Variants in SLC44A5 observed in about 807,000 individuals in gnomAD.
The protein encoded by SLC44A5 is solute carrier family 44 member 5.
A neutral mutation model predicts 101.8 loss-of-function variants in SLC44A5; 57 were observed. The observed-to-expected ratio is 0.56, with a 90% CI of 0.45 to 0.70. The LOEUF is 0.70. Ranked by LOEUF, SLC44A5 falls within the 30% of genes least tolerant of loss-of-function variation. The pLI, the probability that SLC44A5 is intolerant of heterozygous loss-of-function variation, is 0.00. For synonymous variants in SLC44A5, 281 were observed against 290.9 expected, an observed-to-expected ratio of 0.97 and a Z score of 0.35; for missense variants, 737 against 853.1, an observed-to-expected ratio of 0.86 and a Z score of 1.70.
chr1:75,577,773 T>A (rs1199099593), intron 1 of SLC44A5, among the ~76,000 whole-genome samples: 2 of 152,222 alleles, frequency 1.3e-5, no homozygotes, highest in Non-Finnish European at 2.9e-5. Flanking sequence ...TATATCCCCA[T>A]ATCCTATTGT....
intron 1 of SLC44A5, chr1:75,582,567 C>T: frequency 2.3e-6 from 1 of 429,482 alleles, no homozygotes; most frequent in Non-Finnish European, 4.2e-6. Context: ...AAGTAGAGAT[C>T]TCCATCTGCC....
intron 11 of SLC44A5, among the ~76,000 whole-genome samples, chr1:75,234,346 A>C (rs1460027860): frequency 6.6e-6 from 1 of 152,146 alleles, no homozygotes; most frequent in Non-Finnish European, 1.5e-5. Flanking sequence ...ACTGAAGTCT[A>C]GTATCAGTCA....
At chr1:75,332,823 A>G (rs1570699792) in intron 4 of SLC44A5, among the ~76,000 whole-genome samples, 1 of 152,228 alleles carries the variant, frequency 6.6e-6, no homozygotes, top group East Asian at 1.9e-4. Flanking sequence ...GTGATAGCAT[A>G]TAATGCACTA....
intron 2 of SLC44A5, among the ~76,000 whole-genome samples, chr1:75,495,449 C>T (rs1293205807): frequency 6.6e-6 from 1 of 151,668 alleles, no homozygotes; most frequent in Non-Finnish European, 1.5e-5. Context: ...AGAGAGACTC[C>T]ATCTCAAAAA....
intron 2 of SLC44A5, among the ~76,000 whole-genome samples, chr1:75,463,808 C>T (rs1666651760): frequency 6.6e-6 from 1 of 152,148 alleles, no homozygotes; most frequent in Non-Finnish European, 1.5e-5. Flanking sequence ...CAGAAAAACA[C>T]AGAATATTAC....
At chr1:75,480,737 C>T (rs917896021) in intron 2 of SLC44A5, among the ~76,000 whole-genome samples, 1 of 151,992 alleles carries the variant, frequency 6.6e-6, no homozygotes, top group Non-Finnish European at 1.5e-5. Context: ...CAAACCACTG[C>T]TCAATGAAAT....
intron 2 of SLC44A5, among the ~76,000 whole-genome samples, chr1:75,431,317 C>G (rs1292042655): frequency 1.3e-5 from 2 of 152,128 alleles, no homozygotes; most frequent in Non-Finnish European, 2.9e-5. Flanking sequence ...AGTGGTTCCC[C>G]TCCCCGCAAG....
intron 2 of SLC44A5, among the ~76,000 whole-genome samples, chr1:75,463,502 G>A (rs4949861): frequency 0.019 from 2,928 of 151,452 alleles, 178 homozygotes; most frequent in Admixed American, 0.13. Context: ...CCAATATGTC[G>A]GGCAGCAGAT....
chr1:75,713,256 T>A, the SLC44A5 span, among the ~76,000 whole-genome samples: 1 of 152,176 alleles, frequency 6.6e-6, no homozygotes, highest in Non-Finnish European at 1.5e-5. Flanking sequence ...CTTCCAACAT[T>A]TCCTCATTCT....
Position 75,214,672 on chromosome 1 carries a change from T to C in SLC44A5, c.1735A>G (p.Ile579Val). ...GACCTGCAGAAGTTTCTGCCATATA[T>C]TGCAATCTGAGGAAGACAGTGGCTA... is the stretch of plus-strand genomic sequence containing the variant. ...LNRNAYIMIA[I>V]YGRNFCRSAK... The change falls in exon 20 of 24, where the codon ATA becomes GTA. Residue 579 changes from isoleucine (I) to valine (V), a missense_variant. Coordinates refer to ENST00000370859, the MANE Select transcript of SLC44A5 (RefSeq NM_001130058.2). 2 of 1,611,090 alleles carry C rather than the reference T, an allele frequency of 1.2e-6. No homozygotes were observed. Among genetic ancestry groups the C allele is most frequent in the East Asian group, 2.2e-5 (1 of 44,752 alleles).
chr1:75,359,510 G>A (rs1430902562), intron 3 of SLC44A5, among the ~76,000 whole-genome samples: 1 of 151,714 alleles, frequency 6.6e-6, no homozygotes, highest in Non-Finnish European at 1.5e-5. Context: ...CAAAGTGCTG[G>A]GATTACAGGC....
intron 6 of SLC44A5, among the ~76,000 whole-genome samples, chr1:75,258,157 AC>A (rs1020018656): frequency 2.0e-5 from 3 of 151,572 alleles, no homozygotes; most frequent in African/African-American, 7.3e-5. Flanking sequence ...TTTTTTTCAT[AC>A]CCCAGTGGCG....
chr1:75,673,745 A>G, the SLC44A5 span, among the ~76,000 whole-genome samples: 1 of 152,152 alleles, frequency 6.6e-6, no homozygotes, highest in Non-Finnish European at 1.5e-5. Context: ...TTAGGGAAAG[A>G]TAAGAGAGGA....
upstream of SLC44A5, among the ~76,000 whole-genome samples, chr1:75,612,540 T>A (rs920919540): frequency 4.6e-5 from 7 of 152,162 alleles, no homozygotes; most frequent in African/African-American, 1.4e-4. Flanking sequence ...TCAAAATCAT[T>A]TGCTCGCACA....
intron 3 of SLC44A5, among the ~76,000 whole-genome samples, chr1:75,363,634 T>C (rs1659658517): frequency 6.6e-6 from 1 of 152,188 alleles, no homozygotes; most frequent in Non-Finnish European, 1.5e-5. Flanking sequence ...TTCTCAACAA[T>C]TTATTGTACC....
chr1:75,399,189 A>G (rs1194162980), intron 2 of SLC44A5, among the ~76,000 whole-genome samples: 1 of 151,694 alleles, frequency 6.6e-6, no homozygotes, highest in African/African-American at 2.4e-5. Flanking sequence ...AAGAAGCAAG[A>G]CCCTAGACCC....
At chr1:75,607,195 A>C (rs1675370680) in intron 1 of SLC44A5, among the ~76,000 whole-genome samples, 1 of 152,022 alleles carries the variant, frequency 6.6e-6, no homozygotes, top group African/African-American at 2.4e-5. Flanking sequence ...ACAATCTTCA[A>C]ATAGTAGTTG....
At chr1:75,641,988 C>T in the SLC44A5 span, 33 of 1,526,610 alleles carry the variant, frequency 2.2e-5, no homozygotes, top group Non-Finnish European at 2.5e-5. Flanking sequence ...TCATCTTCCT[C>T]CTCATCATCT....
chr1:75,359,110 C>T (rs2101105932), intron 3 of SLC44A5, among the ~76,000 whole-genome samples: 1 of 149,604 alleles, frequency 6.7e-6, no homozygotes, highest in East Asian at 1.9e-4. Flanking sequence ...TGTGCCTAGG[C>T]ATATTTCACT....
Sources: allele counts gnomAD v4.1 joint callset (sites outside exome capture counted in the v4.1 genomes callset), GRCh38; gene constraint gnomAD v4.1.1; transcripts MANE v1.5; gene names NCBI Gene and HGNC (gene_info 2026-07-23, HGNC 2026-07-21).